The following ACOT7 variants were observed in gnomAD, a reference collection of about 807,000 sequenced individuals.
The protein encoded by ACOT7 is cytosolic acyl coenzyme A thioester hydrolase.
In ACOT7, 12 loss-of-function variants were observed where a neutral mutation model predicts 40.2. That is an observed-to-expected ratio of 0.30 (90% CI 0.19 to 0.48). ACOT7 has a LOEUF of 0.48. ACOT7 is among the 20% of genes least tolerant of loss of function. The pLI, the probability that ACOT7 is intolerant of heterozygous loss-of-function variation, is 0.99. For missense variants in ACOT7, 395 were observed against 530.8 expected (o/e 0.74, Z 2.51); for synonymous variants, 228 against 219.5 (o/e 1.04, Z -0.34).
intron 1 of ACOT7, among the ~76,000 whole-genome samples, chr1:6,391,399 G>A (rs543638571): frequency 2.5e-4 from 38 of 151,770 alleles, no homozygotes; most frequent in African/African-American, 8.2e-4. Context: ...CCAGCTACTC[G>A]GGAGGCTGAG....
At chr1:6,372,629 C>T (rs763021935) in intron 1 of ACOT7, among the ~76,000 whole-genome samples, 3 of 150,552 alleles carry the variant, frequency 2.0e-5, no homozygotes, top group Non-Finnish European at 2.9e-5. Flanking sequence ...TGACTCACTG[C>T]AACCTCCACC....
rs946634973 is a variant in ACOT7, at chr1:6,359,747, C to T, written c.144-9881G>A. On this transcript the variant is annotated intron_variant, in intron 1 of 8. Transcript: ENST00000361521. This position sits in a 1 kb window ranked among gnomAD's most constrained non-coding sequence, Gnocchi z 4.1. ...CCACAACCTCCCCCAATGCTGCCCC[C>T]ACCAGGGCTGCTTTCCCAGGAATCC... Among the ~76,000 whole-genome samples, 2 of 152,244 alleles carry T rather than the reference C, an allele frequency of 1.3e-5. No homozygotes were observed. The highest frequency in any genetic ancestry group is 4.8e-5 in the African/African-American group (2 of 41,466).
chr1:6,333,779 T>C (rs1279569696), intron 3 of ACOT7, among the ~76,000 whole-genome samples: 7 of 130,222 alleles, frequency 5.4e-5, no homozygotes, highest in African/African-American at 2.1e-4. Context: ...ATCATGTGAG[T>C]GTGGACAAAC....
Position 6,289,262 on chromosome 1 carries a change from G to A in ACOT7, c.829+5602C>T, listed in dbSNP as rs1400605670. 1.3e-5 allele frequency among the ~76,000 whole-genome samples: 2 copies of A among 152,136 alleles called. No homozygotes were observed. The highest frequency in any genetic ancestry group is 4.8e-5 in the African/African-American group (2 of 41,414). ...TTACAGGCGCCTGCCCCCACGCCCG[G>A]CTAATTTTTGTATTTTTAGTAGAGA... On this transcript the variant is annotated intron_variant, in intron 7 of 8. Coordinates refer to ENST00000361521, the MANE Select transcript of ACOT7 (RefSeq NM_007274.4). This position sits in a 1 kb window ranked among gnomAD's most constrained non-coding sequence, Gnocchi z 4.6.
rs528628765 is a variant in ACOT7 at position 6,358,421 on chromosome 1, C to A, written c.144-8555G>T. On this transcript the variant is annotated intron_variant, in intron 1 of 8. Transcript: ENST00000361521. The surrounding 1 kb of genome is among the most constrained non-coding windows in gnomAD (Gnocchi z 4.1). Reference sequence around the variant, plus strand: ...GCTCCTTGTGCAGCCCACAGACCCCCCCTCCACCGCAGGTAGGAAGCTCAG... The same window carrying A: ...GCTCCTTGTGCAGCCCACAGACCCCACCTCCACCGCAGGTAGGAAGCTCAG... Among the ~76,000 whole-genome samples, 51 of 152,338 alleles carry A rather than the reference C, an allele frequency of 3.3e-4. No individual in the cohort carries two copies. Among genetic ancestry groups the A allele is most frequent in the African/African-American group, 1.1e-3 (44 of 41,572 alleles).
Position 6,282,836 on chromosome 1 carries a change from C to T in ACOT7, c.830-1550G>A, listed in dbSNP as rs1337824815. On this transcript the variant is annotated intron_variant, in intron 7 of 8. Coordinates refer to ENST00000361521, the MANE Select transcript of ACOT7 (RefSeq NM_007274.4). This position sits in a 1 kb window ranked among gnomAD's most constrained non-coding sequence, Gnocchi z 4.5. ...GTCCCATGCAAAGCGCCCGCAGTCA[C>T]AAGACGCACCCCGGGAGGAGGGCAG... 3 of 1,288,122 alleles carry T rather than the reference C, an allele frequency of 2.3e-6. No individual in the cohort carries two copies. The highest frequency in any genetic ancestry group is 1.2e-5 in the South Asian group (1 of 80,710). The allele number at this position is 1,288,122 out of a possible 1,614,324, so 79.8% of individuals were successfully genotyped here. A position where few individuals can be genotyped will look rare whatever the true frequency, so the allele number is the denominator to read the frequency against.
chr1:6,364,724 T>A (rs1641963503), intron 1 of ACOT7, among the ~76,000 whole-genome samples: 1 of 150,626 alleles, frequency 6.6e-6, no homozygotes, highest in Admixed American at 6.6e-5. Context: ...TGCGCTCACC[T>A]GTAGTCCCAG....
chr1:6,314,183 G>C (rs1640420373), intron 6 of ACOT7, among the ~76,000 whole-genome samples: 1 of 152,086 alleles, frequency 6.6e-6, no homozygotes, highest in Non-Finnish European at 1.5e-5. Context: ...ACCGTTTCGA[G>C]GGAAAGTAAT....
intron 6 of ACOT7, among the ~76,000 whole-genome samples, chr1:6,310,928 A>G (rs1298443720): frequency 6.6e-6 from 1 of 152,096 alleles, no homozygotes. Flanking sequence ...AGTAGAGACG[A>G]GATTTCATCA....
intron 5 of ACOT7, among the ~76,000 whole-genome samples, chr1:6,321,663 C>T (rs909006005): frequency 7.2e-5 from 11 of 152,170 alleles, no homozygotes; most frequent in African/African-American, 2.7e-4. Flanking sequence ...TACAGGCGCC[C>T]GCCACTGCGC....
chr1:6,317,357 C>T (rs1363803534), intron 6 of ACOT7, among the ~76,000 whole-genome samples: 3 of 152,280 alleles, frequency 2.0e-5, no homozygotes, highest in African/African-American at 7.2e-5. Flanking sequence ...AAAATAATTA[C>T]ACATTATTAA....
chr1:6,270,033 CG>C (rs1346227015), intron 8 of ACOT7, among the ~76,000 whole-genome samples: 1 of 152,216 alleles, frequency 6.6e-6, no homozygotes, highest in Non-Finnish European at 1.5e-5. Context: ...CAAAGGGCCG[CG>C]GGGCGGTGTC....
intron 6 of ACOT7, among the ~76,000 whole-genome samples, chr1:6,315,998 T>A (rs1315900313): frequency 1.3e-5 from 2 of 152,184 alleles, no homozygotes; most frequent in Non-Finnish European, 2.9e-5. Flanking sequence ...GGCATCTCAC[T>A]GATGCCTTTC....
chr1:6,392,792 C>T (rs1642553933), intron 1 of ACOT7, among the ~76,000 whole-genome samples: 1 of 152,190 alleles, frequency 6.6e-6, no homozygotes, highest in Non-Finnish European at 1.5e-5. Flanking sequence ...TCCCCTCCAC[C>T]TCTGGGGGCT....
intron 8 of ACOT7, among the ~76,000 whole-genome samples, chr1:6,267,195 C>A (rs1291923033): frequency 6.6e-6 from 1 of 152,204 alleles, no homozygotes; most frequent in Non-Finnish European, 1.5e-5. Context: ...GGAGCCAGGT[C>A]CGGCCTGAGG....
At chr1:6,318,692 G>T in intron 5 of ACOT7, 114 bp from the exon 6 acceptor site, 1 of 990,100 alleles carries the variant, frequency 1.0e-6, no homozygotes, top group Non-Finnish European at 1.5e-6. Context: ...GGCGTCCAAA[G>T]CCGGGTTCAG....
chr1:6,377,713 G>A (rs867479351), intron 1 of ACOT7, among the ~76,000 whole-genome samples: 3 of 152,132 alleles, frequency 2.0e-5, no homozygotes, highest in East Asian at 1.9e-4. Flanking sequence ...AAATACAAGC[G>A]ACACCTGAGT....
At chr1:6,324,265 T>C (rs950267643) in intron 5 of ACOT7, among the ~76,000 whole-genome samples, 2 of 152,082 alleles carry the variant, frequency 1.3e-5, no homozygotes, top group African/African-American at 4.8e-5. Context: ...AGAATGGACA[T>C]GGGACTTCCT....
intron 7 of ACOT7, among the ~76,000 whole-genome samples, chr1:6,281,926 C>T (rs367967257): frequency 6.6e-6 from 1 of 152,172 alleles, no homozygotes; most frequent in Admixed American, 6.5e-5. Flanking sequence ...GGGACCAAAG[C>T]TTCCTCCTCT....
Sources: allele counts gnomAD v4.1 joint callset (sites outside exome capture counted in the v4.1 genomes callset), GRCh38; gene constraint gnomAD v4.1.1; non-coding constraint Gnocchi (gnomAD v3.1); transcripts MANE v1.5; gene names NCBI Gene and HGNC (gene_info 2026-07-23, HGNC 2026-07-21).